Variants in RAI14 observed in about 807,000 individuals in gnomAD.
RAI14 encodes the protein ankycorbin.
RAI14 carries 45 observed loss-of-function variants against 115.4 expected under a neutral mutation model. The observed-to-expected ratio is 0.39, with a 90% CI of 0.31 to 0.50. The LOEUF (loss-of-function observed/expected upper bound fraction) is 0.50, where lower values mean the gene tolerates loss of function less well. Ranked by LOEUF, RAI14 falls within the 20% of genes least tolerant of loss-of-function variation. RAI14 has a pLI of 0.85. For synonymous variants in RAI14, 371 were observed against 415.4 expected, an observed-to-expected ratio of 0.89 and a Z score of 1.30; for missense variants, 939 against 1,131.2, an observed-to-expected ratio of 0.83 and a Z score of 2.44.
intron 4 of RAI14, among the ~76,000 whole-genome samples, chr5:34,798,302 G>A (rs1753785130): frequency 6.6e-6 from 1 of 150,388 alleles, no homozygotes; most frequent in African/African-American, 2.4e-5. Context: ...GCATCCCAAA[G>A]TGCTGGAATT....
chr5:34,820,603 C>T (rs1756725297), intron 13 of RAI14, among the ~76,000 whole-genome samples: 1 of 152,154 alleles, frequency 6.6e-6, no homozygotes, highest in Non-Finnish European at 1.5e-5. Flanking sequence ...CAGAGCAAGA[C>T]TCCATCTCAA....
chr5:34,673,980 G>A (rs1743799063), intron 1 of RAI14, among the ~76,000 whole-genome samples: 4 of 152,148 alleles, frequency 2.6e-5, no homozygotes, highest in Admixed American at 2.6e-4. Context: ...AGGGTAGGAG[G>A]GAAGGCTGTG....
In RAI14 at chr5:34,824,275, G is replaced by A; in HGVS notation, c.2433G>A (p.Val811=). ...SVLASKLKES[V]KEKEKVHSEV... is the part of the protein sequence containing the mutation. ...TGGCATCGAAATTAAAGGAATCTGT[G>A]AAAGAGAAAGAGAAGGTCCATTCAG... The change falls in exon 15 of 18, where the codon GTG becomes GTA. Residue 811 remains valine, a synonymous_variant. Coordinates refer to ENST00000265109, the MANE Select transcript of RAI14 (RefSeq NM_015577.3). 1 of 1,614,210 alleles carries A rather than the reference G, an allele frequency of 6.2e-7. No homozygotes were observed. Among genetic ancestry groups the A allele is most frequent in the Non-Finnish European group, 8.5e-7 (1 of 1,180,034 alleles).
intron 14 of RAI14, 137 bp from the exon 15 acceptor site, chr5:34,822,819 G>T: frequency 1.5e-6 from 1 of 679,536 alleles, no homozygotes. Context: ...GAGTAGCTGG[G>T]ATCACAGGCG....
chr5:34,830,931 C>A lies in RAI14; in HGVS notation c.*166C>A. Reference sequence around the variant, plus strand: ...AGGACTTCTCCCAGGAGAAGACTGCCCGCCTCAGAACTGCTTAGAGACTTC... The same window carrying A: ...AGGACTTCTCCCAGGAGAAGACTGCACGCCTCAGAACTGCTTAGAGACTTC... On this transcript the variant is annotated 3_prime_UTR_variant, in exon 18 of 18. Coordinates refer to ENST00000265109, the MANE Select transcript of RAI14 (RefSeq NM_015577.3). 7.7e-7 allele frequency: 1 copy of A among 1,291,012 alleles called. No individual in the cohort carries two copies. The highest frequency in any genetic ancestry group is 1.0e-6 in the Non-Finnish European group (1 of 967,628). 80.0% of individuals were successfully genotyped at this position (1,291,012 alleles called of 1,614,324 possible).
chr5:34,736,540 A>G (rs1194446586), intron 2 of RAI14, among the ~76,000 whole-genome samples: 1 of 152,100 alleles, frequency 6.6e-6, no homozygotes, highest in Non-Finnish European at 1.5e-5. Context: ...GCATTTTCTT[A>G]AAAGTCTGTG....
At chr5:34,695,434 G>T (rs77892406) in intron 2 of RAI14, among the ~76,000 whole-genome samples, 2 of 152,136 alleles carry the variant, frequency 1.3e-5, no homozygotes, top group South Asian at 4.2e-4. Flanking sequence ...TTTCTCTGGC[G>T]TCCTCTGTTA....
intron 2 of RAI14, among the ~76,000 whole-genome samples, chr5:34,753,731 T>C (rs565801312): frequency 1.1e-4 from 17 of 152,158 alleles, no homozygotes; most frequent in South Asian, 2.1e-4. Context: ...CTGGCTAACA[T>C]GGTGAAACCC....
chr5:34,750,970 A>G (rs1746931673), intron 2 of RAI14, among the ~76,000 whole-genome samples: 1 of 144,336 alleles, frequency 6.9e-6, no homozygotes, highest in Admixed American at 7.3e-5. Context: ...CTCCTGCCTC[A>G]GCATCCCGAG....
At chr5:34,735,167 T>G (rs573114717) in intron 2 of RAI14, among the ~76,000 whole-genome samples, 2 of 152,338 alleles carry the variant, frequency 1.3e-5, no homozygotes, top group Non-Finnish European at 2.9e-5. Context: ...GAGCAAAATA[T>G]TTGCTATATG....
intron 2 of RAI14, among the ~76,000 whole-genome samples, chr5:34,730,541 T>A (rs111276247): frequency 0.013 from 2,048 of 152,040 alleles, 37 homozygotes; most frequent in African/African-American, 0.047. Context: ...CCAGGCTTAG[T>A]GGCATGCACC....
intron 4 of RAI14, among the ~76,000 whole-genome samples, chr5:34,796,397 CA>C (rs373073743): frequency 1.4e-3 from 169 of 124,060 alleles, no homozygotes; most frequent in Non-Finnish European, 1.4e-3. Context: ...GACTCTGTCT[CA>C]AAAAAAAAAA....
chr5:34,701,347 G>A (rs1740040550), intron 2 of RAI14, among the ~76,000 whole-genome samples: 1 of 152,164 alleles, frequency 6.6e-6, no homozygotes, highest in Admixed American at 6.5e-5. Flanking sequence ...CATCTGTAAA[G>A]AATCTCTGTT....
chr5:34,808,636 C>T lies in RAI14; in HGVS notation c.432C>T (p.Pro144=), dbSNP rs1269187594. ...AVQILCEHKS[P]INLKDLDGNI... is the part of the protein sequence containing the mutation. Reference sequence around the variant, plus strand: ...AGATTCTCTGCGAACACAAGAGCCCCATAAACCTCAAAGATTTGGTAAGTA... The same window carrying T: ...AGATTCTCTGCGAACACAAGAGCCCTATAAACCTCAAAGATTTGGTAAGTA... Residue 144 remains proline (P), a synonymous_variant, in exon 7 of 18, where the codon CCC becomes CCT. Transcript: ENST00000265109. 6.2e-7 allele frequency: 1 copy of T among 1,614,178 alleles called. No individual in the cohort carries two copies. Among genetic ancestry groups the T allele is most frequent in the South Asian group, 1.1e-5 (1 of 91,074 alleles).
intron 2 of RAI14, among the ~76,000 whole-genome samples, chr5:34,699,612 A>G (rs1739782787): frequency 6.6e-6 from 1 of 152,186 alleles, no homozygotes; most frequent in South Asian, 2.1e-4. Flanking sequence ...TTTCTAAACA[A>G]GGTTACATTC....
rs542877466 is a variant in RAI14, at chr5:34,805,024, T to C, written c.321+1248T>C. On this transcript the variant is annotated intron_variant, in intron 5 of 17. Transcript: ENST00000265109. ...CCAGATATTCTAGTCTCTAATGTAATCTTATATCTGGTTATGCAAATGGAT... is the reference window on the plus strand; with the variant it reads ...CCAGATATTCTAGTCTCTAATGTAACCTTATATCTGGTTATGCAAATGGAT... Among the ~76,000 whole-genome samples, 3 of 152,340 alleles carry C rather than the reference T, an allele frequency of 2.0e-5. No individual in the cohort carries two copies. The East Asian group carries it at 5.8e-4, about 29-fold the overall frequency.
At chr5:34,801,165 C>T (rs1423004113) in intron 4 of RAI14, among the ~76,000 whole-genome samples, 1 of 152,138 alleles carries the variant, frequency 6.6e-6, no homozygotes, top group Non-Finnish European at 1.5e-5. Context: ...TCTCTTCCTT[C>T]ATTTTTAAAT....
At chr5:34,729,977 GAC>G (rs372608437) in intron 2 of RAI14, among the ~76,000 whole-genome samples, 79 of 152,226 alleles carry the variant, frequency 5.2e-4, no homozygotes, top group African/African-American at 1.7e-3. Context: ...ATTGTTTAGA[GAC>G]ACATACTGAA....
chr5:34,794,016 A>G, intron 3 of RAI14, among the ~76,000 whole-genome samples: 1 of 152,238 alleles, frequency 6.6e-6, no homozygotes, highest in South Asian at 2.1e-4. Flanking sequence ...CTTACTGCTT[A>G]AAGGTGGACT....
Sources: allele counts gnomAD v4.1 joint callset (sites outside exome capture counted in the v4.1 genomes callset), GRCh38; gene constraint gnomAD v4.1.1; transcripts MANE v1.5; gene names NCBI Gene and HGNC (gene_info 2026-07-23, HGNC 2026-07-21).